The following ANK3 variants were observed in gnomAD, a reference collection of about 807,000 sequenced individuals.
The protein encoded by ANK3 is ankyrin-3.
Under a neutral mutation model 370.9 loss-of-function variants are expected in ANK3, and 57 were observed. The ratio of observed to expected loss-of-function variants is 0.15; its 90% confidence interval spans 0.12 to 0.19. The LOEUF (loss-of-function observed/expected upper bound fraction) is 0.19. Ranked by LOEUF, ANK3 falls within the 10% of genes least tolerant of loss-of-function variation. The pLI is 1.00. For synonymous variants in ANK3, 1,929 were observed against 1,946.3 expected (o/e 0.99, Z 0.23); for missense variants, 4,439 against 5,302.1 (o/e 0.84, Z 5.06).
intron 1 of ANK3, among the ~76,000 whole-genome samples, chr10:60,688,773 C>T (rs988007975): frequency 1.2e-4 from 18 of 151,748 alleles, no homozygotes; most frequent in African/African-American, 4.4e-4. Flanking sequence ...ATGGTGAAAC[C>T]CCGTCTCTAC....
intron 2 of ANK3, among the ~76,000 whole-genome samples, chr10:60,443,886 C>T (rs1046503031): frequency 2.0e-5 from 3 of 152,108 alleles, no homozygotes; most frequent in African/African-American, 7.2e-5. Context: ...ATGGCAGCTG[C>T]TGCTTATTTG....
chr10:60,615,947 C>T (rs2078262220), intron 1 of ANK3, among the ~76,000 whole-genome samples: 1 of 152,074 alleles, frequency 6.6e-6, no homozygotes, highest in African/African-American at 2.4e-5. Context: ...GTAATATGTG[C>T]AATATGCAAA....
At chr10:60,148,301 C>T (rs1456844244) in intron 23 of ANK3, among the ~76,000 whole-genome samples, 1 of 151,998 alleles carries the variant, frequency 6.6e-6, no homozygotes, top group Non-Finnish European at 1.5e-5. Flanking sequence ...AATTCTCTTT[C>T]CTTTCTGAGA....
intron 2 of ANK3, among the ~76,000 whole-genome samples, chr10:60,561,623 AAAAAT>A (rs1168470248): frequency 1.3e-5 from 2 of 152,360 alleles, no homozygotes; most frequent in African/African-American, 4.8e-5. Flanking sequence ...TCTGGGAAGA[AAAAAT>A]AAAATAAACA....
intron 1 of ANK3, among the ~76,000 whole-genome samples, chr10:60,347,567 GTTGTT>G (rs1470572681): frequency 6.6e-6 from 1 of 151,954 alleles, no homozygotes; most frequent in Non-Finnish European, 1.5e-5. Context: ...ATCCTACAGG[GTTGTT>G]TTAAGGATGA....
intron 41 of ANK3, among the ~76,000 whole-genome samples, chr10:60,057,175 T>C (rs2079367937): frequency 6.6e-6 from 1 of 152,218 alleles, no homozygotes; most frequent in African/African-American, 2.4e-5. Context: ...TGACCTCTGC[T>C]AATCTCACTA....
At chr10:60,370,536 C>T (rs1305145010) in intron 1 of ANK3, among the ~76,000 whole-genome samples, 2 of 152,134 alleles carry the variant, frequency 1.3e-5, no homozygotes, top group Non-Finnish European at 1.5e-5. Context: ...TTTGAAGGCC[C>T]TATCATGAAT....
intron 1 of ANK3, among the ~76,000 whole-genome samples, chr10:60,291,214 C>T (rs1421230521): frequency 1.3e-5 from 2 of 151,944 alleles, no homozygotes. Context: ...GTGTTTGTCT[C>T]AAATTTTCTG....
intron 38 of ANK3, among the ~76,000 whole-genome samples, chr10:60,065,361 T>G (rs2081435396): frequency 6.6e-6 from 1 of 152,152 alleles, no homozygotes; most frequent in African/African-American, 2.4e-5. Context: ...ATTTATCAAG[T>G]GTGTATTACC....
At chr10:60,226,525 A>G (rs1307208752) in intron 8 of ANK3, among the ~76,000 whole-genome samples, 2 of 57,088 alleles carry the variant, frequency 3.5e-5, no homozygotes, top group Non-Finnish European at 5.7e-5. Context: ...TATATATACT[A>G]TAGTATATAT....
intron 38 of ANK3, among the ~76,000 whole-genome samples, chr10:60,065,365 T>C (rs1256446053): frequency 6.6e-6 from 1 of 152,198 alleles, no homozygotes; most frequent in Non-Finnish European, 1.5e-5. Flanking sequence ...ATCAAGTGTG[T>C]ATTACCTTAA....
chr10:60,565,115 C>T (rs767481598), intron 2 of ANK3, among the ~76,000 whole-genome samples: 1 of 151,902 alleles, frequency 6.6e-6, no homozygotes, highest in Non-Finnish European at 1.5e-5. Context: ...AAAGTAAAGA[C>T]CTGGCCTTTC....
chr10:60,369,734 C>CTGTT (rs763056471), intron 1 of ANK3, among the ~76,000 whole-genome samples: 7 of 152,160 alleles, frequency 4.6e-5, no homozygotes, highest in Non-Finnish European at 7.4e-5. Context: ...GAACTGTGAA[C>CTGTT]TGTTCTCTCT....
chr10:60,306,270 T>C (rs142186635), intron 1 of ANK3, among the ~76,000 whole-genome samples: 3 of 152,202 alleles, frequency 2.0e-5, no homozygotes, highest in East Asian at 3.9e-4. Flanking sequence ...GTGTCCATCA[T>C]AGCTTAGCTC....
chr10:60,505,026 T>A (rs2075898881), intron 2 of ANK3, among the ~76,000 whole-genome samples: 3 of 152,264 alleles, frequency 2.0e-5, no homozygotes, highest in Admixed American at 6.5e-5. Flanking sequence ...CTCCCTTTTT[T>A]AGACACGTAT....
chr10:60,300,233 A>T (rs1479777549), intron 1 of ANK3: 1 of 799,012 alleles, frequency 1.3e-6, no homozygotes, highest in Non-Finnish European at 1.8e-6. Context: ...CCAGCAACAA[A>T]CATTTTTTAA....
chr10:60,075,460 T>G lies in ANK3; in HGVS notation c.5421A>C (p.Ser1807=). The change falls in exon 37 of 44, where the codon TCA becomes TCC. Residue 1807 remains serine, a synonymous_variant. Coordinates refer to ENST00000280772, the MANE Select transcript of ANK3 (RefSeq NM_020987.5). ...TTACAGATGAGGTAGTTGCAGATAT[T>G]GACGACCCAAGGGATGTATAGAGTG... ...ASALYTSLGS[S]ISATTSSVTS... is the part of the protein sequence containing the mutation. The G allele has an allele frequency of 6.2e-7, 1 of 1,612,622 alleles. No homozygotes were observed. The highest frequency in any genetic ancestry group is 2.2e-5 in the East Asian group (1 of 44,892).
intron 1 of ANK3, among the ~76,000 whole-genome samples, chr10:60,681,617 A>T (rs1442343793): frequency 2.0e-5 from 3 of 152,156 alleles, no homozygotes; most frequent in African/African-American, 7.2e-5. Flanking sequence ...GTAGTATCCT[A>T]TGTGGCTGCA....
intron 2 of ANK3, among the ~76,000 whole-genome samples, chr10:60,574,481 CCA>C (rs1298900929): frequency 6.6e-6 from 1 of 152,210 alleles, no homozygotes; most frequent in Non-Finnish European, 1.5e-5. Context: ...TGCTATTTAA[CCA>C]CAGTTTCCAT....
Sources: allele counts gnomAD v4.1 joint callset (sites outside exome capture counted in the v4.1 genomes callset), GRCh38; gene constraint gnomAD v4.1.1; transcripts MANE v1.5; gene names NCBI Gene and HGNC (gene_info 2026-07-23, HGNC 2026-07-21).